BLVRA: variants seen among roughly 807,000 people sequenced by gnomAD.
BLVRA encodes the protein BVR A.
BLVRA carries 22 observed loss-of-function variants against 32.8 expected under a neutral mutation model. The ratio of observed to expected loss-of-function variants is 0.67; its 90% CI spans 0.48 to 0.96. BLVRA has a LOEUF of 0.96. BLVRA is among the 40% of genes least tolerant of loss of function. BLVRA has a pLI of 0.00. For synonymous variants in BLVRA, 119 were observed against 141.3 expected, an observed-to-expected ratio of 0.84 and a Z score of 1.12; for missense variants, 323 against 358.1, an observed-to-expected ratio of 0.90 and a Z score of 0.79.
At chr7:43,777,133 C>A (rs1358908950) in intron 2 of BLVRA, among the ~76,000 whole-genome samples, 1 of 150,030 alleles carries the variant, frequency 6.7e-6, no homozygotes, top group Non-Finnish European at 1.5e-5. Flanking sequence ...GAGCATTTAG[C>A]CCATTTACAT....
At chr7:43,781,142 CAAAA>C (rs1374000641) in intron 2 of BLVRA, among the ~76,000 whole-genome samples, 1 of 98,970 alleles carries the variant, frequency 1.0e-5, no homozygotes. Context: ...GACTCTGCCT[CAAAA>C]AAAAAAAAAA....
Position 43,792,676 on chromosome 7 carries a change from C to T in BLVRA, c.255-39C>T, listed in dbSNP as rs377721977. The T allele has an allele frequency of 2.4e-5, 37 of 1,552,328 alleles. 1 individual carries two copies. Among genetic ancestry groups the T allele is most frequent in the African/African-American group, 2.2e-4 (16 of 73,616 alleles). Reference sequence around the variant, plus strand: ...GCAGAGCATTTCAGTGAAGCTTATTCGAAGTGTTCTTTCTCTGTATTTGTC... The same window carrying T: ...GCAGAGCATTTCAGTGAAGCTTATTTGAAGTGTTCTTTCTCTGTATTTGTC... On this transcript the variant is annotated intron_variant, in intron 4 of 7. Coordinates refer to ENST00000265523, the MANE Select transcript of BLVRA (RefSeq NM_000712.4).
intron 7 of BLVRA, among the ~76,000 whole-genome samples, chr7:43,804,995 A>G (rs2095802576): frequency 6.6e-6 from 1 of 152,214 alleles, no homozygotes; most frequent in Non-Finnish European, 1.5e-5. Flanking sequence ...AGCACATGGA[A>G]CTTGGCAGTG....
chr7:43,794,976 C>T (rs2095790151), intron 5 of BLVRA, among the ~76,000 whole-genome samples: 5 of 151,310 alleles, frequency 3.3e-5, no homozygotes, highest in South Asian at 4.2e-4. Context: ...TTTGGGAAGC[C>T]GAGGCTGGTG....
intron 1 of BLVRA, among the ~76,000 whole-genome samples, chr7:43,762,340 A>G (rs1170561201): frequency 6.6e-6 from 1 of 152,124 alleles, no homozygotes; most frequent in African/African-American, 2.4e-5. Context: ...GAGTACAACA[A>G]TCAGAAATGT....
chr7:43,781,057 C>G (rs61568069), intron 2 of BLVRA, among the ~76,000 whole-genome samples: 6 of 151,860 alleles, frequency 4.0e-5, no homozygotes, highest in Non-Finnish European at 7.4e-5. Context: ...GCAGGAGAAT[C>G]ACTTGAACCC....
chr7:43,776,866 T>C (rs908695257), intron 2 of BLVRA, among the ~76,000 whole-genome samples: 9 of 152,240 alleles, frequency 5.9e-5, no homozygotes, highest in African/African-American at 2.2e-4. Flanking sequence ...TTAGCTCTTC[T>C]TGTTGAATTG....
chr7:43,802,054 A>G (rs1183372650), intron 6 of BLVRA, among the ~76,000 whole-genome samples: 1 of 152,146 alleles, frequency 6.6e-6, no homozygotes, highest in East Asian at 1.9e-4. Flanking sequence ...AGGCAAGAAA[A>G]TCGCTTTAAC....
At chr7:43,780,238 T>C (rs1225221217) in intron 2 of BLVRA, among the ~76,000 whole-genome samples, 2 of 152,102 alleles carry the variant, frequency 1.3e-5, no homozygotes, top group Non-Finnish European at 2.9e-5. Flanking sequence ...CTTTCTGCTT[T>C]CACCTGCCCC....
intron 2 of BLVRA, among the ~76,000 whole-genome samples, chr7:43,777,649 TTG>T: frequency 6.6e-6 from 1 of 152,200 alleles, no homozygotes; most frequent in Non-Finnish European, 1.5e-5. Flanking sequence ...AGGAGTATCT[TTG>T]TGGTGTTCTC....
chr7:43,791,523 G>C lies in BLVRA; in HGVS notation c.254+155G>C, dbSNP rs1381995028. The C allele has an allele frequency of 5.3e-6, 4 of 760,408 alleles. No individual in the cohort carries two copies. The East Asian group carries it at 1.1e-4, about 21-fold the overall frequency. 47.1% of individuals were successfully genotyped at this position (760,408 alleles called of 1,614,324 possible). ...AATCACAGAAGTGTCAAAACATTAAGAAATTCTTATTGCTGGTTATAAATA... is the reference window on the plus strand; with the variant it reads ...AATCACAGAAGTGTCAAAACATTAACAAATTCTTATTGCTGGTTATAAATA... On this transcript the variant is annotated intron_variant, in intron 4 of 7. Coordinates refer to ENST00000265523, the MANE Select transcript of BLVRA (RefSeq NM_000712.4).
intron 2 of BLVRA, among the ~76,000 whole-genome samples, chr7:43,782,897 G>A (rs962672713): frequency 5.9e-5 from 9 of 152,056 alleles, no homozygotes; most frequent in Admixed American, 1.3e-4. Flanking sequence ...GATGACCCAC[G>A]GTGAAGCAGG....
intron 1 of BLVRA, 32 bp from the exon 2 acceptor site, chr7:43,771,106 A>T (rs2095754193): frequency 6.2e-7 from 1 of 1,610,182 alleles, no homozygotes; most frequent in African/African-American, 1.3e-5. Flanking sequence ...AGGTGCCACC[A>T]GGGACCTGAA....
intron 2 of BLVRA, among the ~76,000 whole-genome samples, chr7:43,786,921 G>C (rs932545271): frequency 6.7e-6 from 1 of 148,898 alleles, no homozygotes; most frequent in African/African-American, 2.4e-5. Flanking sequence ...GGGATGCATG[G>C]AGATAATTTT....
At chr7:43,786,318 T>C (rs2095777456) in intron 2 of BLVRA, among the ~76,000 whole-genome samples, 1 of 151,636 alleles carries the variant, frequency 6.6e-6, no homozygotes, top group Non-Finnish European at 1.5e-5. Context: ...GATAAAGGGG[T>C]CAATTAAAAA....
intron 5 of BLVRA, among the ~76,000 whole-genome samples, chr7:43,797,513 T>C (rs964647830): frequency 3.9e-5 from 6 of 152,262 alleles, no homozygotes; most frequent in Non-Finnish European, 8.8e-5. Context: ...AAAATATTCA[T>C]GTGACTCCCT....
intron 2 of BLVRA, among the ~76,000 whole-genome samples, chr7:43,780,915 G>A (rs1160683962): frequency 6.6e-6 from 1 of 152,260 alleles, no homozygotes; most frequent in African/African-American, 2.4e-5. Flanking sequence ...GGGAGGCCGA[G>A]GTGGGCGGAT....
chr7:43,781,088 A>C (rs1019252330), intron 2 of BLVRA, among the ~76,000 whole-genome samples: 3 of 151,972 alleles, frequency 2.0e-5, no homozygotes, highest in African/African-American at 7.2e-5. Flanking sequence ...GGTTGCAGTG[A>C]GCCAAGATTG....
chr7:43,775,017 T>C (rs955034259), intron 2 of BLVRA, among the ~76,000 whole-genome samples: 23 of 152,346 alleles, frequency 1.5e-4, no homozygotes, highest in Admixed American at 3.3e-4. Flanking sequence ...TGAAGTTGCT[T>C]ATCAGCTTAA....
Sources: gnomAD v4.1 joint callset for allele counts (sites outside exome capture counted in the v4.1 genomes callset) on GRCh38, gnomAD v4.1.1 for gene constraint, MANE v1.5 for transcripts, NCBI Gene and HGNC (gene_info 2026-07-23, HGNC 2026-07-21) for gene names.